The following FRAS1 variants were observed in gnomAD, a reference collection of about 807,000 sequenced individuals.
The protein encoded by FRAS1 is Fraser extracellular matrix complex subunit 1.
Under a neutral mutation model 435.2 loss-of-function variants are expected in FRAS1, and 290 were observed. The observed-to-expected ratio is 0.67, with a 90% CI of 0.61 to 0.73. The LOEUF is 0.73. FRAS1 is among the 30% of genes least tolerant of loss of function. FRAS1 has a pLI of 0.00. For synonymous variants in FRAS1, 1,800 were observed against 1,851.0 expected (o/e 0.97, Z 0.71); for missense variants, 4,860 against 5,001.5 (o/e 0.97, Z 0.85).
chr4:78,162,289 T>C (rs1578160530), intron 2 of FRAS1, among the ~76,000 whole-genome samples: 1 of 152,128 alleles, frequency 6.6e-6, no homozygotes, highest in East Asian at 1.9e-4. Context: ...AGCACTAACT[T>C]GGGGAAGATA....
intron 2 of FRAS1, among the ~76,000 whole-genome samples, chr4:78,198,312 G>A (rs12501084): frequency 0.035 from 5,283 of 152,208 alleles, 189 homozygotes; most frequent in South Asian, 0.13. Context: ...TTTCCTTTTA[G>A]AGGTCCCGTG....
At chr4:78,254,004 T>TATTTATTATGTCTTA (rs1485483647) in intron 5 of FRAS1, among the ~76,000 whole-genome samples, 14 of 152,106 alleles carry the variant, frequency 9.2e-5, no homozygotes, top group Non-Finnish European at 1.9e-4. Context: ...TATTTGTCTT[T>TATTTATTATGTCTTA]ATTTATGAAA....
At chr4:78,414,078 G>T (rs186765536) in intron 32 of FRAS1, among the ~76,000 whole-genome samples, 1 of 152,264 alleles carries the variant, frequency 6.6e-6, no homozygotes, top group Admixed American at 6.5e-5. Flanking sequence ...TATGGGTCTG[G>T]GTTATGACAG....
At chr4:78,149,762 G>T (rs1006403425) in intron 2 of FRAS1, among the ~76,000 whole-genome samples, 119 of 152,224 alleles carry the variant, frequency 7.8e-4, no homozygotes, top group African/African-American at 2.8e-3. Flanking sequence ...CAGGCATTTA[G>T]TCAATCTCAC....
chr4:78,257,167 G>A (rs758681874), intron 6 of FRAS1, among the ~76,000 whole-genome samples: 1 of 152,186 alleles, frequency 6.6e-6, no homozygotes, highest in Admixed American at 6.5e-5. Flanking sequence ...GGTCCAGAGA[G>A]TGTAAGTAAC....
At chr4:78,466,714 T>C (rs962472911) in intron 50 of FRAS1, among the ~76,000 whole-genome samples, 2 of 152,184 alleles carry the variant, frequency 1.3e-5, no homozygotes, top group African/African-American at 2.4e-5. Context: ...ATAGTTCTTG[T>C]TGTTAGTATT....
chr4:78,086,597 A>T (rs1467929328), intron 2 of FRAS1, among the ~76,000 whole-genome samples: 2 of 152,216 alleles, frequency 1.3e-5, no homozygotes, highest in South Asian at 2.1e-4. Context: ...AGGGGATATC[A>T]CCACCAATCC....
At chr4:78,398,482 A>G (rs1359172329) in intron 29 of FRAS1, among the ~76,000 whole-genome samples, 3 of 152,196 alleles carry the variant, frequency 2.0e-5, no homozygotes, top group Non-Finnish European at 2.9e-5. Context: ...GGAATTATAG[A>G]GAATTGTGTT....
At chr4:78,274,192 G>C (rs1726871710) in intron 9 of FRAS1, among the ~76,000 whole-genome samples, 1 of 152,150 alleles carries the variant, frequency 6.6e-6, no homozygotes, top group Non-Finnish European at 1.5e-5. Flanking sequence ...GCGTCTATCT[G>C]ATTCTTCTCT....
intron 2 of FRAS1, among the ~76,000 whole-genome samples, chr4:78,067,860 AT>A (rs35606977): frequency 0.038 from 5,049 of 134,372 alleles, 127 homozygotes; most frequent in Admixed American, 0.093. Flanking sequence ...CACCCAGCCA[AT>A]TTTTTTTTTT....
chr4:78,130,173 G>T (rs1484223777), intron 2 of FRAS1, among the ~76,000 whole-genome samples: 2 of 151,914 alleles, frequency 1.3e-5, no homozygotes, highest in African/African-American at 2.4e-5. Flanking sequence ...TGTAATGCTG[G>T]TTTTTTTGTT....
At chr4:78,317,207 G>T (rs974942388) in intron 16 of FRAS1, among the ~76,000 whole-genome samples, 161 bp from the exon 17 acceptor site, 1 of 152,166 alleles carries the variant, frequency 6.6e-6, no homozygotes, top group Non-Finnish European at 1.5e-5. Context: ...CGGCCATGTG[G>T]GCAGTTCTGG....
intron 36 of FRAS1, 138 bp from the exon 37 acceptor site, chr4:78,430,154 T>C: frequency 1.0e-6 from 1 of 964,384 alleles, no homozygotes; most frequent in East Asian, 2.5e-5. Context: ...TGTGCCTGAT[T>C]GGAATGAAGC....
Position 78,400,821 on chromosome 4 carries a change from GC to G in FRAS1, c.4065del (p.Glu1356ArgfsTer27). ...GCAGATCACCAACAGAATCTTACAGGCCGAGGCTCCTGGTGCCAGTGCTGAA... is the reference window on the plus strand; with the variant it reads ...GCAGATCACCAACAGAATCTTACAGGCGAGGCTCCTGGTGCCAGTGCTGAA... The part of the protein sequence containing the change: ...MLQITNRILQ[A>X]EAPGASAEEI... On this transcript the variant is annotated frameshift_variant, in exon 30 of 74. Transcript: ENST00000512123. LOFTEE classifies it high-confidence loss of function. 1 of 1,613,744 alleles carries G rather than the reference GC, an allele frequency of 6.2e-7. No homozygotes were observed. The highest frequency in any genetic ancestry group is 8.5e-7 in the Non-Finnish European group (1 of 1,179,792).
At chr4:78,108,892 C>T (rs556671078) in intron 2 of FRAS1, among the ~76,000 whole-genome samples, 2 of 124,986 alleles carry the variant, frequency 1.6e-5, no homozygotes, top group East Asian at 4.1e-4. Flanking sequence ...ATCAAATAGA[C>T]ACAATAAAAA....
chr4:78,175,896 G>A (rs1721759691), intron 2 of FRAS1, among the ~76,000 whole-genome samples: 1 of 152,108 alleles, frequency 6.6e-6, no homozygotes, highest in Non-Finnish European at 1.5e-5. Context: ...TGGGTAGATG[G>A]AAATGTCCAG....
chr4:78,244,283 A>G (rs908740451), intron 3 of FRAS1, among the ~76,000 whole-genome samples: 2 of 151,962 alleles, frequency 1.3e-5, no homozygotes, highest in African/African-American at 4.8e-5. Flanking sequence ...CACACACACA[A>G]ACTTTTTTCT....
chr4:78,428,385 C>T (rs985009321), intron 35 of FRAS1, among the ~76,000 whole-genome samples: 4 of 151,800 alleles, frequency 2.6e-5, no homozygotes, highest in Non-Finnish European at 5.9e-5. Flanking sequence ...TGCAGTGGTG[C>T]AATCTCGGCT....
chr4:78,337,882 G>C, intron 20 of FRAS1, 65 bp downstream of exon 20: 1 of 1,520,676 alleles, frequency 6.6e-7, no homozygotes. Context: ...TTCATACCAG[G>C]CTTAAGGGGG....
Sources: allele counts gnomAD v4.1 joint callset (sites outside exome capture counted in the v4.1 genomes callset), GRCh38; gene constraint gnomAD v4.1.1; transcripts MANE v1.5; gene names NCBI Gene and HGNC (gene_info 2026-07-23, HGNC 2026-07-21).